Variants in KCNQ5 observed in about 807,000 individuals in gnomAD.
KCNQ5 encodes the protein potassium voltage-gated channel subfamily Q member 5.
In KCNQ5, 30 loss-of-function variants were observed where a neutral mutation model predicts 98.2. The ratio of observed to expected loss-of-function variants is 0.31; its 90% CI spans 0.23 to 0.41. The LOEUF (loss-of-function observed/expected upper bound fraction) is 0.41, where lower values mean the gene tolerates loss of function less well. Ranked by LOEUF, KCNQ5 falls within the 10% of genes least tolerant of loss-of-function variation. The pLI, the probability that KCNQ5 is intolerant of heterozygous loss-of-function variation, is 1.00. For missense variants in KCNQ5, 835 were observed against 1,182.5 expected (o/e 0.71, Z 4.31); for synonymous variants, 458 against 449.4 (o/e 1.02, Z -0.24).
intron 5 of KCNQ5, among the ~76,000 whole-genome samples, chr6:73,093,887 G>T (rs1228718215): frequency 2.0e-5 from 3 of 152,088 alleles, no homozygotes. Flanking sequence ...TATGGTTGTT[G>T]GATGGAATGT....
At chr6:73,096,563 T>G (rs1416424236) in intron 5 of KCNQ5, among the ~76,000 whole-genome samples, 2 of 152,204 alleles carry the variant, frequency 1.3e-5, no homozygotes, top group African/African-American at 4.8e-5. Context: ...AGACATTCCC[T>G]GGCCTAGCTT....
rs144427126 is a variant in KCNQ5 at position 73,120,500 on chromosome 6, C to G, written c.1143C>G (p.Tyr381Ter). 1 of 1,612,470 alleles carries G rather than the reference C, an allele frequency of 6.2e-7. No individual in the cohort carries two copies. Among genetic ancestry groups the G allele is most frequent in the Admixed American group, 1.7e-5 (1 of 59,972 alleles). ...ACATGCAGTGTGTTTGGCGTAGTTACGCAGCTGATGAGAAATCTGTTTCCA... is the reference window on the plus strand; with the variant it reads ...ACATGCAGTGTGTTTGGCGTAGTTAGGCAGCTGATGAGAAATCTGTTTCCA... ...ANLIQCVWRS[Y>*]AADEKSVSIA... The change falls in exon 8 of 14, where the codon TAC becomes TAG. Residue 381 changes from tyrosine (Y) to a stop codon, truncating the protein, a stop_gained. Coordinates refer to ENST00000370398, the MANE Select transcript of KCNQ5 (RefSeq NM_019842.4). LOFTEE classifies it high-confidence loss of function.
intron 2 of KCNQ5, among the ~76,000 whole-genome samples, chr6:73,014,729 G>T (rs1770239057): frequency 6.6e-6 from 1 of 152,016 alleles, no homozygotes; most frequent in Admixed American, 6.6e-5. Flanking sequence ...GAATTCTTTT[G>T]TAAAGTGAAG....
intron 5 of KCNQ5, among the ~76,000 whole-genome samples, chr6:73,080,336 A>G (rs1210269250): frequency 1.3e-5 from 2 of 152,166 alleles, no homozygotes; most frequent in Non-Finnish European, 2.9e-5. Context: ...CTTGAATATG[A>G]GAGTAAAAAT....
intron 1 of KCNQ5, among the ~76,000 whole-genome samples, chr6:73,000,564 C>T (rs79082363): frequency 0.029 from 4,387 of 152,218 alleles, 215 homozygotes; most frequent in African/African-American, 0.098. Flanking sequence ...ATCCTCTTCT[C>T]CCCAAAACCA....
intron 1 of KCNQ5, among the ~76,000 whole-genome samples, chr6:72,655,080 CTTTCTTTCTTTCTTTCTGTT>C (rs1766106881): frequency 6.9e-6 from 1 of 144,826 alleles, no homozygotes; most frequent in Non-Finnish European, 1.5e-5. Context: ...TTCTTTCTTT[CTTTCTTTCTTTCTTTCTGTT>C]TTTCTTTCTT....
intron 1 of KCNQ5, among the ~76,000 whole-genome samples, chr6:72,894,269 C>G (rs1779164145): frequency 6.6e-6 from 1 of 152,108 alleles, no homozygotes; most frequent in African/African-American, 2.4e-5. Flanking sequence ...CTTGTGGGTT[C>G]ATTTAAAGAG....
intron 1 of KCNQ5, among the ~76,000 whole-genome samples, chr6:72,825,674 G>C (rs1337336717): frequency 6.6e-6 from 1 of 152,164 alleles, no homozygotes; most frequent in Non-Finnish European, 1.5e-5. Flanking sequence ...GAGAAGCTGA[G>C]CTTGGGAGCA....
intron 1 of KCNQ5, among the ~76,000 whole-genome samples, chr6:72,836,174 T>A (rs1776494303): frequency 6.6e-6 from 1 of 152,216 alleles, no homozygotes; most frequent in African/African-American, 2.4e-5. Context: ...GAAGTTAAGA[T>A]TTTGGTGGAT....
At chr6:72,785,400 G>A (rs1773684988) in intron 1 of KCNQ5, among the ~76,000 whole-genome samples, 2 of 152,098 alleles carry the variant, frequency 1.3e-5, no homozygotes, top group Admixed American at 1.3e-4. Context: ...TGTAATCCCA[G>A]CACTTTGGGA....
intron 2 of KCNQ5, among the ~76,000 whole-genome samples, chr6:73,036,153 G>A (rs963201304): frequency 2.0e-5 from 3 of 151,914 alleles, no homozygotes; most frequent in Non-Finnish European, 2.9e-5. Context: ...TTGGGAGGCC[G>A]AGGCAGGCAG....
intron 1 of KCNQ5, among the ~76,000 whole-genome samples, chr6:72,634,848 G>A (rs531448721): frequency 1.8e-4 from 28 of 152,142 alleles, no homozygotes; most frequent in African/African-American, 6.0e-4. Flanking sequence ...GATTACAGGC[G>A]TGAGCCACTG....
chr6:73,003,073 A>G (rs1769659013), intron 1 of KCNQ5, among the ~76,000 whole-genome samples: 1 of 152,092 alleles, frequency 6.6e-6, no homozygotes. Flanking sequence ...TTTTTTTTTT[A>G]ACACTGCCTT....
intron 10 of KCNQ5, among the ~76,000 whole-genome samples, chr6:73,168,730 G>C (rs1251829570): frequency 6.6e-6 from 1 of 151,938 alleles, no homozygotes; most frequent in Non-Finnish European, 1.5e-5. Flanking sequence ...AAAGGTATTT[G>C]GAGGCCACAT....
chr6:73,035,876 G>A (rs1280887621), intron 2 of KCNQ5, among the ~76,000 whole-genome samples: 1 of 151,870 alleles, frequency 6.6e-6, no homozygotes, highest in African/African-American at 2.4e-5. Context: ...CCCAATTTCC[G>A]CAAAATGTAA....
At chr6:72,678,912 T>A (rs888564279) in intron 1 of KCNQ5, among the ~76,000 whole-genome samples, 1 of 152,192 alleles carries the variant, frequency 6.6e-6, no homozygotes, top group Non-Finnish European at 1.5e-5. Flanking sequence ...TTTTATCTTA[T>A]TAGAAAAGCC....
At chr6:72,912,199 A>G (rs1779969874) in intron 1 of KCNQ5, among the ~76,000 whole-genome samples, 1 of 152,210 alleles carries the variant, frequency 6.6e-6, no homozygotes, top group Non-Finnish European at 1.5e-5. Context: ...TGTCACTGAA[A>G]ATAGTTAATT....
rs757449571 is a variant in KCNQ5, at chr6:73,028,023, TG to T, written c.490-13908del. Among the ~76,000 whole-genome samples the T allele has an allele frequency of 1.9e-3, 295 of 152,322 alleles. 1 individual carries two copies. The highest frequency in any genetic ancestry group is 3.6e-3 in the Non-Finnish European group (247 of 68,022). ...CAGTGACTCTAGATACTCTTTATTA[TG>T]GGGGAAAAAAATTCTTGCCTTAATA... On this transcript the variant is annotated intron_variant, in intron 2 of 13. Coordinates refer to ENST00000370398, the MANE Select transcript of KCNQ5 (RefSeq NM_019842.4).
At chr6:72,904,645 A>T (rs1456751125) in intron 1 of KCNQ5, among the ~76,000 whole-genome samples, 1 of 152,128 alleles carries the variant, frequency 6.6e-6, no homozygotes, top group African/African-American at 2.4e-5. Flanking sequence ...CTGGATACAA[A>T]ATTCTTGGCT....
Sources: gnomAD v4.1 joint callset for allele counts (sites outside exome capture counted in the v4.1 genomes callset) on GRCh38, gnomAD v4.1.1 for gene constraint, MANE v1.5 for transcripts, NCBI Gene and HGNC (gene_info 2026-07-23, HGNC 2026-07-21) for gene names.